FAM200B: variants seen among roughly 807,000 people sequenced by gnomAD.
The protein encoded by FAM200B is zinc finger BED-type containing 11, also known as protein FAM200B.
Under a neutral mutation model 33.1 loss-of-function variants are expected in FAM200B, and 32 were observed. The observed-to-expected ratio is 0.97, with a 90% CI of 0.73 to 1.30. The LOEUF (loss-of-function observed/expected upper bound fraction) is 1.30. FAM200B is among the 50% of genes most tolerant of loss of function. The pLI is 0.00. For synonymous variants in FAM200B, 240 were observed against 264.8 expected, an observed-to-expected ratio of 0.91 and a Z score of 0.91; for missense variants, 741 against 754.0, an observed-to-expected ratio of 0.98 and a Z score of 0.20.
At chr4:15,664,386 G>T in the FAM200B span, among the ~76,000 whole-genome samples, 1 of 151,966 alleles carries the variant, frequency 6.6e-6, no homozygotes, top group Non-Finnish European at 1.5e-5. Flanking sequence ...CTCTCCCTCA[G>T]TTAAATCATA....
At chr4:15,680,443 G>A (rs1718183343), upstream of FAM200B, among the ~76,000 whole-genome samples, 1 of 152,184 alleles carries the variant, frequency 6.6e-6, no homozygotes, top group African/African-American at 2.4e-5. Context: ...GGCCCAAGTG[G>A]GTGGATCACC....
At chr4:15,655,203 C>G in the FAM200B span, 2 of 1,409,784 alleles carry the variant, frequency 1.4e-6, no homozygotes, top group African/African-American at 3.3e-5. Context: ...CGCTCCGTTA[C>G]CTTGTCGCAG....
chr4:15,681,814 G>T (rs994845431), upstream of FAM200B: 2 of 152,958 alleles, frequency 1.3e-5, no homozygotes, highest in African/African-American at 4.8e-5. Context: ...GCGGAGGGAA[G>T]TGTGGGGAGA....
chr4:15,653,234 C>T, the FAM200B span, among the ~76,000 whole-genome samples: 2 of 152,058 alleles, frequency 1.3e-5, no homozygotes, highest in Non-Finnish European at 2.9e-5. Flanking sequence ...TTTTGACTTA[C>T]ACCATGTCAA....
chr4:15,687,060 G>T lies in FAM200B; in HGVS notation c.83G>T (p.Gly28Val). 4 of 1,537,274 alleles carry T rather than the reference G, an allele frequency of 2.6e-6. No individual in the cohort carries two copies. Among genetic ancestry groups the T allele is most frequent in the Non-Finnish European group, 3.5e-6 (4 of 1,137,406 alleles). ...TGTTCAAGTTCATCTGTTGAATCTGGAATTGTGAATAGTGACAATATTGAG... is the reference window on the plus strand; with the variant it reads ...TGTTCAAGTTCATCTGTTGAATCTGTAATTGTGAATAGTGACAATATTGAG... ...EACSSSSVES[G>V]IVNSDNIEKN... is the part of the protein sequence containing the mutation. Residue 28 changes from glycine to valine, a missense_variant, in exon 2 of 2, where the codon GGA (glycine) becomes GTA (valine). By Grantham distance (109) the Gly-to-Val change is moderately radical. Coordinates refer to ENST00000422728, the MANE Select transcript of FAM200B (RefSeq NM_001145191.2).
chr4:15,640,901 A>T, the FAM200B span: 3 of 1,317,540 alleles, frequency 2.3e-6, no homozygotes, highest in African/African-American at 3.5e-5. Flanking sequence ...CCAAAAAAAA[A>T]ATACATTTTT....
chr4:15,666,224 C>T, the FAM200B span, among the ~76,000 whole-genome samples: 1 of 152,034 alleles, frequency 6.6e-6, no homozygotes, highest in Non-Finnish European at 1.5e-5. Flanking sequence ...CATAAGTAGA[C>T]TCCACCACCA....
chr4:15,647,271 T>C, the FAM200B span, among the ~76,000 whole-genome samples: 1 of 19,784 alleles, frequency 5.1e-5, no homozygotes, highest in African/African-American at 2.0e-4. Flanking sequence ...AAAATAAAAA[T>C]AAACAACAAC....
At chr4:15,649,687 C>A in the FAM200B span, among the ~76,000 whole-genome samples, 1 of 151,352 alleles carries the variant, frequency 6.6e-6, no homozygotes, top group Non-Finnish European at 1.5e-5. Flanking sequence ...TTTGCCTTCA[C>A]ATATAGACTT....
At chr4:15,637,549 A>C in the FAM200B span, among the ~76,000 whole-genome samples, 1 of 152,202 alleles carries the variant, frequency 6.6e-6, no homozygotes, top group Non-Finnish European at 1.5e-5. Context: ...TATTTTAAAT[A>C]TAATACAGCT....
the FAM200B span, among the ~76,000 whole-genome samples, chr4:15,674,380 C>A: frequency 6.6e-6 from 1 of 152,092 alleles, no homozygotes; most frequent in Admixed American, 6.5e-5. Context: ...TATGTGAGAA[C>A]TGCACTTGAG....
At chr4:15,640,192 C>T in the FAM200B span, among the ~76,000 whole-genome samples, 1 of 152,102 alleles carries the variant, frequency 6.6e-6, no homozygotes, top group East Asian at 1.9e-4. Flanking sequence ...AGGCACATGC[C>T]ACCATGCCCA....
At chr4:15,672,870 CA>C in the FAM200B span, among the ~76,000 whole-genome samples, 1 of 151,946 alleles carries the variant, frequency 6.6e-6, no homozygotes, top group East Asian at 1.9e-4. Context: ...TACAGCTGTA[CA>C]AAAATATTTT....
rs1408711658 is a variant in FAM200B at position 15,688,428 on chromosome 4, T to G, written c.1451T>G (p.Phe484Cys). The G allele has an allele frequency of 6.5e-7, 1 of 1,545,388 alleles. No individual in the cohort carries two copies. Among genetic ancestry groups the G allele is most frequent in the South Asian group, 1.2e-5 (1 of 83,116 alleles). The change falls in exon 2 of 2, where the codon TTT becomes TGT. Residue 484 changes from phenylalanine (F) to cysteine (C), a missense_variant. Physicochemically the swap from Phe to Cys is radical, Grantham distance 205. Coordinates refer to ENST00000422728, the MANE Select transcript of FAM200B (RefSeq NM_001145191.2). ...LKSNRPSYYM[F>C]PRFLQHIEEN... ...AGTAATCGTCCTAGCTATTACATGT[T>G]TCCAAGATTTTTGCAGCATATTGAA...
chr4:15,639,406 A>G, the FAM200B span, among the ~76,000 whole-genome samples: 3 of 152,346 alleles, frequency 2.0e-5, 1 homozygote, highest in Admixed American at 2.0e-4. Context: ...TGGAACCATA[A>G]AAGTCAGAAC....
the FAM200B span, among the ~76,000 whole-genome samples, chr4:15,649,014 G>A: frequency 6.6e-6 from 1 of 151,814 alleles, no homozygotes; most frequent in African/African-American, 2.4e-5. Flanking sequence ...CCTCAATAAA[G>A]CTGGGAAAAA....
At chr4:15,657,009 A>C in the FAM200B span, among the ~76,000 whole-genome samples, 1 of 150,040 alleles carries the variant, frequency 6.7e-6, no homozygotes, top group Non-Finnish European at 1.5e-5. Flanking sequence ...CTGTCTTAAG[A>C]AGCAGGAATA....
chr4:15,664,022 AGCTACATAATTT>A, the FAM200B span, among the ~76,000 whole-genome samples: 4 of 152,218 alleles, frequency 2.6e-5, no homozygotes, highest in Admixed American at 2.6e-4. Context: ...AACTTAAAGA[AGCTACATAATTT>A]GCCCAAGACT....
the FAM200B span, among the ~76,000 whole-genome samples, chr4:15,659,496 T>C: frequency 1.3e-5 from 2 of 152,204 alleles, no homozygotes; most frequent in Admixed American, 6.5e-5. Context: ...TCTAATTCCT[T>C]CTACCAGGAG....
Sources: allele counts gnomAD v4.1 joint callset (sites outside exome capture counted in the v4.1 genomes callset), GRCh38; gene constraint gnomAD v4.1.1; transcripts MANE v1.5; gene names NCBI Gene and HGNC (gene_info 2026-07-23, HGNC 2026-07-21).